The following MCF2L variants were observed in gnomAD, a reference collection of about 807,000 sequenced individuals.
The protein encoded by MCF2L is guanine nucleotide exchange factor DBS.
A neutral mutation model predicts 153.4 loss-of-function variants in MCF2L; 97 were observed. The ratio of observed to expected loss-of-function variants is 0.63; its 90% CI spans 0.54 to 0.75. The LOEUF is 0.75. MCF2L is among the 30% of genes least tolerant of loss of function. The pLI, the probability that MCF2L is intolerant of heterozygous loss-of-function variation, is 0.00. For synonymous variants in MCF2L, 659 were observed against 632.2 expected, an observed-to-expected ratio of 1.04 and a Z score of -0.64; for missense variants, 1,347 against 1,495.2, an observed-to-expected ratio of 0.90 and a Z score of 1.64.
intron 1 of MCF2L, chr13:112,979,392 C>T: frequency 7.3e-7 from 1 of 1,368,416 alleles, no homozygotes; most frequent in South Asian, 1.6e-5. Context: ...TCCAGGCGTG[C>T]AGGGCAGTGG....
chr13:112,919,398 G>A (rs1362358372), intron 2 of MCF2L, among the ~76,000 whole-genome samples: 1 of 151,420 alleles, frequency 6.6e-6, no homozygotes, highest in African/African-American at 2.4e-5. Flanking sequence ...GTAGAGACGG[G>A]GTTTCACCGT....
intron 2 of MCF2L, among the ~76,000 whole-genome samples, chr13:112,946,903 A>G (rs966181463): frequency 2.0e-5 from 3 of 152,156 alleles, no homozygotes; most frequent in African/African-American, 7.2e-5. Context: ...GGGGGGGAGG[A>G]GGAGGCAGAA....
chr13:113,012,629 G>A (rs1594648274), intron 1 of MCF2L, among the ~76,000 whole-genome samples: 2 of 113,164 alleles, frequency 1.8e-5, no homozygotes, highest in South Asian at 3.8e-4. Context: ...TGGACAGGCG[G>A]TGTGGACGGT....
intron 2 of MCF2L, among the ~76,000 whole-genome samples, chr13:113,020,524 G>A (rs56923222): frequency 0.019 from 2,891 of 152,326 alleles, 100 homozygotes; most frequent in African/African-American, 0.065. Context: ...AGGAAGTCCC[G>A]GATGAAGGCA....
intron 25 of MCF2L, 76 bp downstream of exon 25, chr13:113,088,704 C>G: frequency 6.9e-7 from 1 of 1,452,468 alleles, no homozygotes; most frequent in Non-Finnish European, 9.4e-7. Context: ...CCAGGGTCCT[C>G]GGCCTCTGTC....
chr13:113,075,249 C>T (rs1371931485), intron 11 of MCF2L, 60 bp downstream of exon 11: 28 of 1,453,234 alleles, frequency 1.9e-5, no homozygotes, highest in Admixed American at 4.1e-5. Flanking sequence ...CTCTTCCTCC[C>T]ACATCCACCA....
At chr13:112,946,932 C>T (rs2081643702) in intron 2 of MCF2L, among the ~76,000 whole-genome samples, 1 of 152,158 alleles carries the variant, frequency 6.6e-6, no homozygotes, top group Non-Finnish European at 1.5e-5. Flanking sequence ...GGCCTGAGGA[C>T]CCAGGGAGCA....
intron 1 of MCF2L, among the ~76,000 whole-genome samples, chr13:112,996,439 C>T (rs1436993626): frequency 6.6e-6 from 1 of 152,230 alleles, no homozygotes; most frequent in East Asian, 1.9e-4. Flanking sequence ...GCCGTGCTAC[C>T]CTGGGCTATG....
Position 112,978,947 on chromosome 13 carries a change from G to A in MCF2L, c.79+9489G>A, listed in dbSNP as rs193077879. Among the ~76,000 whole-genome samples the A allele has an allele frequency of 1.7e-3, 252 of 152,328 alleles. 3 individuals carry two copies. Among genetic ancestry groups the A allele is most frequent in the South Asian group, 0.011 (55 of 4,826 alleles). ...GAGCCTGAGGGTGGCACGTCACCTC[G>A]GGGGCCATTGGGAGCCCTGGATGCT... On this transcript the variant is annotated intron_variant, in intron 1 of 29. Coordinates refer to ENST00000535094, the MANE Select transcript of MCF2L (RefSeq NM_001112732.3).
chr13:113,018,688 C>A (rs1186489652), intron 2 of MCF2L, among the ~76,000 whole-genome samples: 1 of 152,118 alleles, frequency 6.6e-6, no homozygotes, highest in Non-Finnish European at 1.5e-5. Flanking sequence ...AAAAACAGGG[C>A]GGGAGAATTT....
intron 3 of MCF2L, among the ~76,000 whole-genome samples, chr13:113,034,391 C>G (rs187926120): frequency 2.6e-5 from 4 of 152,344 alleles, no homozygotes; most frequent in East Asian, 1.9e-4. Flanking sequence ...CCTGCCTCAG[C>G]TTCCCAAAGT....
chr13:113,007,412 G>GCCT (rs1351717712), intron 1 of MCF2L, among the ~76,000 whole-genome samples: 1 of 152,232 alleles, frequency 6.6e-6, no homozygotes, highest in Non-Finnish European at 1.5e-5. Context: ...TCACCTGGGA[G>GCCT]CCTCACCTTG....
chr13:112,975,806 G>A (rs1338187340), intron 1 of MCF2L, among the ~76,000 whole-genome samples: 7 of 152,224 alleles, frequency 4.6e-5, no homozygotes, highest in African/African-American at 1.2e-4. Context: ...CGTTGCGGTC[G>A]CACGGTGATA....
Position 113,053,722 on chromosome 13 carries a change from G to A in MCF2L, c.370-6871G>A, listed in dbSNP as rs1255296919. ...TCAAGGGGAGCAGCAGGTGCCTGGC[G>A]TCTGCATCCACACCTGCCTGGAGCC... On this transcript the variant is annotated intron_variant, in intron 4 of 29. Transcript: ENST00000535094. This position sits in a 1 kb window ranked among gnomAD's most constrained non-coding sequence, Gnocchi z 4.4. 6.6e-6 allele frequency among the ~76,000 whole-genome samples: 1 copy of A among 152,164 alleles called. No individual in the cohort carries two copies. The highest frequency in any genetic ancestry group is 1.5e-5 in the Non-Finnish European group (1 of 68,032).
chr13:113,084,818 C>A, intron 18 of MCF2L, 74 bp from the exon 19 acceptor site: 2 of 1,126,582 alleles, frequency 1.8e-6, no homozygotes, highest in Non-Finnish European at 2.7e-6. Flanking sequence ...CCGCGTAATG[C>A]GGTGCCCGTC....
Position 113,092,662 on chromosome 13 carries a change from G to A in MCF2L, c.2954-1852G>A, listed in dbSNP as rs144841209. ...GAGGGCACCTTCCTGGCCATCACCC[G>A]GCCTCCTGCCTTCACACAGAATCCC... On this transcript the variant is annotated intron_variant, in intron 26 of 29. Coordinates refer to ENST00000535094, the MANE Select transcript of MCF2L (RefSeq NM_001112732.3). Among the ~76,000 whole-genome samples, 414 of 152,362 alleles carry A rather than the reference G, an allele frequency of 2.7e-3. 3 individuals are homozygous for A. The highest frequency in any genetic ancestry group is 9.7e-3 in the African/African-American group (402 of 41,592).
chr13:113,049,817 G>T (rs1303085072), intron 4 of MCF2L, among the ~76,000 whole-genome samples: 1 of 152,220 alleles, frequency 6.6e-6, no homozygotes, highest in Non-Finnish European at 1.5e-5. Flanking sequence ...CACCATATGT[G>T]CTGTCTTAAG....
chr13:113,000,615 C>T (rs768007711), intron 1 of MCF2L, among the ~76,000 whole-genome samples: 4 of 152,214 alleles, frequency 2.6e-5, no homozygotes, highest in Non-Finnish European at 2.9e-5. Flanking sequence ...GCCACGCTTT[C>T]CTCTCCAGCA....
At chr13:112,994,279 G>A (rs1409254352) in intron 1 of MCF2L, among the ~76,000 whole-genome samples, 2 of 148,564 alleles carry the variant, frequency 1.3e-5, no homozygotes, top group African/African-American at 2.5e-5. Context: ...CGTGGCTGTC[G>A]GCGTGACGGG....
Sources: allele counts gnomAD v4.1 joint callset (sites outside exome capture counted in the v4.1 genomes callset), GRCh38; gene constraint gnomAD v4.1.1; non-coding constraint Gnocchi (gnomAD v3.1); transcripts MANE v1.5; gene names NCBI Gene and HGNC (gene_info 2026-07-23, HGNC 2026-07-21).